The following MGMT variants were observed in gnomAD, a reference collection of about 807,000 sequenced individuals.
MGMT encodes methylated-DNA--protein-cysteine methyltransferase.
A neutral mutation model predicts 15.9 loss-of-function variants in MGMT; 14 were observed. That is an observed-to-expected ratio of 0.88 (90% CI 0.58 to 1.37). The LOEUF (loss-of-function observed/expected upper bound fraction) is 1.37. MGMT is among the 40% of genes most tolerant of loss of function. The pLI, the probability that MGMT is intolerant of heterozygous loss-of-function variation, is 0.00. For synonymous variants in MGMT, 130 were observed against 118.2 expected, an observed-to-expected ratio of 1.10 and a Z score of -0.65; for missense variants, 282 against 268.1, an observed-to-expected ratio of 1.05 and a Z score of -0.36.
chr10:129,498,088 T>C (rs1384552678), intron 1 of MGMT, among the ~76,000 whole-genome samples: 2 of 152,238 alleles, frequency 1.3e-5, no homozygotes, highest in African/African-American at 4.8e-5. Flanking sequence ...AGGTATTTTG[T>C]AGGATGCCTC....
At chr10:129,502,296 C>T (rs1180675487) in intron 1 of MGMT, among the ~76,000 whole-genome samples, 1 of 152,174 alleles carries the variant, frequency 6.6e-6, no homozygotes, top group Non-Finnish European at 1.5e-5. Flanking sequence ...CATCTACACA[C>T]CATTTGATCT....
At chr10:129,690,743 A>G (rs1243954337) in intron 2 of MGMT, among the ~76,000 whole-genome samples, 4 of 152,034 alleles carry the variant, frequency 2.6e-5, no homozygotes, top group Admixed American at 2.0e-4. Flanking sequence ...CTGGGGGAAA[A>G]GGGGAGAAGG....
In MGMT at chr10:129,628,268, A is replaced by G. The variant is rs1479427117; in HGVS notation, c.126-79627A>G. ...GCTTCTGTGGAATGAACTAAATGTA[A>G]ATTATTTTTCCAAAAGCTTTATGAG... On this transcript the variant is annotated intron_variant, in intron 2 of 4. Coordinates refer to ENST00000651593, the MANE Select transcript of MGMT (RefSeq NM_002412.5). Among the ~76,000 whole-genome samples, 5 of 152,192 alleles carry G rather than the reference A, an allele frequency of 3.3e-5. No homozygotes were observed. The East Asian group carries it at 7.7e-4, about 23-fold the overall frequency.
At chr10:129,684,151 A>G (rs951528261) in intron 2 of MGMT, among the ~76,000 whole-genome samples, 4 of 152,262 alleles carry the variant, frequency 2.6e-5, no homozygotes, top group Non-Finnish European at 5.9e-5. Flanking sequence ...AGCGACAGCT[A>G]TCTAAACCAC....
chr10:129,473,040 G>A (rs1256928601), intron 1 of MGMT, among the ~76,000 whole-genome samples: 1 of 152,164 alleles, frequency 6.6e-6, no homozygotes, highest in East Asian at 1.9e-4. Flanking sequence ...GCTCCTAGGG[G>A]CACTTGGCAG....
intron 2 of MGMT, among the ~76,000 whole-genome samples, chr10:129,627,680 T>G (rs1003376013): frequency 6.6e-6 from 1 of 152,224 alleles, no homozygotes; most frequent in Non-Finnish European, 1.5e-5. Flanking sequence ...TTAGCCTTTT[T>G]CCACCATGCT....
At chr10:129,471,607 T>C (rs917488926) in intron 1 of MGMT, among the ~76,000 whole-genome samples, 4 of 152,020 alleles carry the variant, frequency 2.6e-5, no homozygotes, top group Non-Finnish European at 5.9e-5. Flanking sequence ...CAGGCAACAG[T>C]GGAGGAGCGT....
chr10:129,469,531 TC>T (rs1845206766), intron 1 of MGMT, among the ~76,000 whole-genome samples: 1 of 152,114 alleles, frequency 6.6e-6, no homozygotes, highest in Admixed American at 6.5e-5. Flanking sequence ...ATTTTTGACT[TC>T]CGTTTGGGAC....
intron 2 of MGMT, among the ~76,000 whole-genome samples, chr10:129,663,129 T>C (rs1157118211): frequency 6.6e-6 from 1 of 152,138 alleles, no homozygotes; most frequent in East Asian, 1.9e-4. Context: ...TACAAAAGCT[T>C]ATCAAAAATT....
chr10:129,637,479 T>G (rs1011446955), intron 2 of MGMT, among the ~76,000 whole-genome samples: 7 of 152,170 alleles, frequency 4.6e-5, no homozygotes, highest in Non-Finnish European at 1.0e-4. Context: ...TGAAAATGAA[T>G]TTTCATTACG....
chr10:129,764,396 AC>A (rs1848909748), intron 4 of MGMT, among the ~76,000 whole-genome samples: 1 of 152,206 alleles, frequency 6.6e-6, no homozygotes, highest in African/African-American at 2.4e-5. Flanking sequence ...GGCCACACCC[AC>A]CAGGTGAAAT....
chr10:129,746,090 T>A (rs1248826118), intron 3 of MGMT, among the ~76,000 whole-genome samples: 2 of 151,824 alleles, frequency 1.3e-5, no homozygotes, highest in Non-Finnish European at 2.9e-5. Flanking sequence ...ACAAAAAAAA[T>A]TAGCCAGGCG....
At position 129,496,273 on chromosome 10, in the gene MGMT, C is replaced by T. The variant is rs560588201; in HGVS notation, c.-13+28977C>T. On this transcript the variant is annotated intron_variant, in intron 1 of 4. Coordinates refer to ENST00000651593, the MANE Select transcript of MGMT (RefSeq NM_002412.5). ...AGGGGATGGACTTCGTTCCATCCCG[C>T]TCCAAAAGCTGGTCCGATTCTTGCC... 2.6e-5 allele frequency among the ~76,000 whole-genome samples: 4 copies of T among 152,246 alleles called. No individual in the cohort carries two copies. The South Asian group carries it at 8.3e-4, about 32-fold the overall frequency.
intron 2 of MGMT, among the ~76,000 whole-genome samples, chr10:129,661,779 T>G (rs539739644): frequency 6.6e-6 from 1 of 152,340 alleles, no homozygotes; most frequent in Non-Finnish European, 1.5e-5. Flanking sequence ...CACTGTAAGA[T>G]TTCGAAAAAG....
chr10:129,732,742 G>T (rs1232800482), intron 3 of MGMT, among the ~76,000 whole-genome samples: 6 of 134,048 alleles, frequency 4.5e-5, no homozygotes, highest in Non-Finnish European at 3.1e-5. Flanking sequence ...AGAATGTGAT[G>T]TTCGCCTTCC....
At chr10:129,501,271 G>A (rs1433052529) in intron 1 of MGMT, among the ~76,000 whole-genome samples, 2 of 152,198 alleles carry the variant, frequency 1.3e-5, no homozygotes, top group East Asian at 3.8e-4. Context: ...ACCTCTCAGA[G>A]CTACCCTGCC....
intron 3 of MGMT, among the ~76,000 whole-genome samples, chr10:129,737,177 C>T (rs1466754378): frequency 6.6e-6 from 1 of 152,232 alleles, no homozygotes; most frequent in Non-Finnish European, 1.5e-5. Context: ...TCCATTCTCC[C>T]TGTCACTTTC....
At chr10:129,514,710 G>C (rs61862577) in intron 1 of MGMT, among the ~76,000 whole-genome samples, 23,560 of 152,124 alleles carry the variant, frequency 0.15, 2,554 homozygotes, top group African/African-American at 0.3. Flanking sequence ...TAGAGCCCTC[G>C]ACGATTGAGG....
intron 2 of MGMT, among the ~76,000 whole-genome samples, chr10:129,598,434 C>G (rs1244176774): frequency 8.7e-5 from 1 of 11,514 alleles, no homozygotes; most frequent in African/African-American, 9.4e-5. Flanking sequence ...CTGGGGTGGG[C>G]CTGGCACATC....
Sources: allele counts gnomAD v4.1 joint callset (sites outside exome capture counted in the v4.1 genomes callset), GRCh38; gene constraint gnomAD v4.1.1; transcripts MANE v1.5; gene names NCBI Gene and HGNC (gene_info 2026-07-23, HGNC 2026-07-21).